Variants in STAU2 observed in about 807,000 individuals in gnomAD.
STAU2 encodes double-stranded RNA-binding protein Staufen homolog 2.
A neutral mutation model predicts 65.9 loss-of-function variants in STAU2; 20 were observed. That is an observed-to-expected ratio of 0.30 (90% CI 0.21 to 0.44). The LOEUF (loss-of-function observed/expected upper bound fraction) is 0.44. Ranked by LOEUF, STAU2 falls within the 20% of genes least tolerant of loss-of-function variation. The probability of loss-of-function intolerance (pLI) is 1.00; values close to 1 mark genes in which losing one functional copy is unlikely to be tolerated. For synonymous variants in STAU2, 232 were observed against 233.9 expected, an observed-to-expected ratio of 0.99 and a Z score of 0.07; for missense variants, 558 against 683.9, an observed-to-expected ratio of 0.82 and a Z score of 2.05.
At chr8:73,689,253 T>C (rs1272523430) in intron 4 of STAU2, among the ~76,000 whole-genome samples, 1 of 152,160 alleles carries the variant, frequency 6.6e-6, no homozygotes, top group African/African-American at 2.4e-5. Context: ...GTCAGGCAAT[T>C]CTATTAAATA....
chr8:73,728,159 TG>T (rs1805784795), intron 3 of STAU2: 1 of 152,206 alleles, frequency 6.6e-6, no homozygotes, highest in Non-Finnish European at 1.5e-5. Context: ...TTGTTTTGCA[TG>T]TGCATCTCCA....
Position 73,615,791 on chromosome 8 carries a change from CA to C in STAU2, c.571-10del. Reference sequence around the variant, plus strand: ...TTTCCTGATTCACCATTCTAAATCACAAAAAATAGGATAACACTGAATCTTG... The same window carrying C: ...TTTCCTGATTCACCATTCTAAATCACAAAAATAGGATAACACTGAATCTTG... On this transcript the variant is annotated splice_polypyrimidine_tract_variant and intron_variant, in intron 7 of 14. Coordinates refer to ENST00000524300, the MANE Select transcript of STAU2 (RefSeq NM_001164380.2). The C allele has an allele frequency of 1.3e-6, 2 of 1,580,852 alleles. No individual in the cohort carries two copies. Among genetic ancestry groups the C allele is most frequent in the Non-Finnish European group, 8.7e-7 (1 of 1,152,536 alleles).
At chr8:73,521,314 T>C (rs1377435451) in intron 13 of STAU2, among the ~76,000 whole-genome samples, 7 of 152,192 alleles carry the variant, frequency 4.6e-5, no homozygotes, top group Non-Finnish European at 1.5e-5. Flanking sequence ...AGCATACACA[T>C]TGGAAACAAT....
chr8:73,740,930 A>T (rs1465081222), intron 1 of STAU2, among the ~76,000 whole-genome samples: 2 of 149,796 alleles, frequency 1.3e-5, no homozygotes, highest in Non-Finnish European at 3.0e-5. Flanking sequence ...GCTTGAACCC[A>T]GGAGGCCAAG....
intron 6 of STAU2, among the ~76,000 whole-genome samples, chr8:73,617,791 G>A (rs1812938397): frequency 6.6e-6 from 1 of 152,218 alleles, no homozygotes; most frequent in South Asian, 2.1e-4. Flanking sequence ...AACAGAGGCT[G>A]GGTCAGGCAA....
rs140014504 is a variant in STAU2 at position 73,724,552 on chromosome 8, T to A, written c.-18+13732A>T. ...TAATGAGATATTTAACACTTTATTA[T>A]AAAATAGGGTGTATTTAGATGATTT... On this transcript the variant is annotated intron_variant, in intron 3 of 14. Coordinates refer to ENST00000524300, the MANE Select transcript of STAU2 (RefSeq NM_001164380.2). Among the ~76,000 whole-genome samples the A allele has an allele frequency of 2.0e-3, 301 of 152,106 alleles. 5 individuals carry two copies. In the East Asian group the frequency reaches 0.042, roughly 21 times the overall value.
chr8:73,725,865 C>T lies in STAU2; in HGVS notation c.-18+12419G>A, dbSNP rs117359102. Reference sequence around the variant, plus strand: ...GGAGGACTGCTTCAGCCTGGGAGGTCGAGGCTGCAGTGAGCCATCATCGTG... The same window carrying T: ...GGAGGACTGCTTCAGCCTGGGAGGTTGAGGCTGCAGTGAGCCATCATCGTG... On this transcript the variant is annotated intron_variant, in intron 3 of 14. Transcript: ENST00000524300. 9.2e-3 allele frequency among the ~76,000 whole-genome samples: 1,406 copies of T among 152,144 alleles called. 10 individuals carry two copies. The highest frequency in any genetic ancestry group is 0.015 in the Non-Finnish European group (1,043 of 68,002).
At position 73,720,656 on chromosome 8, in the gene STAU2, G is replaced by A. The variant is rs564707768; in HGVS notation, c.-17-11494C>T. Among the ~76,000 whole-genome samples, 9 of 117,506 alleles carry A rather than the reference G, an allele frequency of 7.7e-5. 1 individual carries two copies. The highest frequency in any genetic ancestry group is 6.6e-4 in the Admixed American group (8 of 12,046). 77.1% of individuals were successfully genotyped at this position (117,506 alleles called of 152,430 possible). A position where few individuals can be genotyped will look rare whatever the true frequency, so the allele number is the denominator to read the frequency against. On this transcript the variant is annotated intron_variant, in intron 3 of 14. Transcript: ENST00000524300. ...GCCTCCCGAGTAGCTGGGACTACAG[G>A]CGCCCGCCACCGCGCCCGGCTAATT... is the stretch of plus-strand genomic sequence containing the variant.
chr8:73,526,472 T>C (rs952079415), intron 13 of STAU2, among the ~76,000 whole-genome samples: 5 of 152,242 alleles, frequency 3.3e-5, no homozygotes, highest in African/African-American at 1.2e-4. Context: ...TGATAAATCA[T>C]GAGTTTGAGA....
chr8:73,546,148 G>GTTTTTT (rs1563412799), intron 13 of STAU2, among the ~76,000 whole-genome samples: 18 of 116,460 alleles, frequency 1.5e-4, no homozygotes, highest in Non-Finnish European at 2.1e-4. Context: ...TTTTTTTTTG[G>GTTTTTT]TAGAGACAGA....
Position 73,673,332 on chromosome 8 carries a change from T to C in STAU2, c.275-90A>G, listed in dbSNP as rs112393428. 2.2e-3 allele frequency: 2,815 copies of C among 1,266,520 alleles called. 3 individuals are homozygous for C. The highest frequency in any genetic ancestry group is 2.6e-3 in the Non-Finnish European group (2,578 of 976,036). The allele number at this position is 1,266,520 out of a possible 1,614,324, so 78.5% of individuals were successfully genotyped here. A position where few individuals can be genotyped will look rare whatever the true frequency, so the allele number is the denominator to read the frequency against. ...ATATTTATACAACGCTTAAATACCA[T>C]GGAAGAAGGTAAGAATGGATGGACC... On this transcript the variant is annotated intron_variant, in intron 5 of 14. Coordinates refer to ENST00000524300, the MANE Select transcript of STAU2 (RefSeq NM_001164380.2).
At chr8:73,679,056 C>CT (rs1818210986) in intron 5 of STAU2, among the ~76,000 whole-genome samples, 1 of 152,118 alleles carries the variant, frequency 6.6e-6, no homozygotes, top group African/African-American at 2.4e-5. Context: ...ACAAAAATAT[C>CT]TAAGGCGAAA....
intron 13 of STAU2, among the ~76,000 whole-genome samples, chr8:73,467,746 A>G (rs937584570): frequency 6.6e-6 from 1 of 152,162 alleles, no homozygotes; most frequent in African/African-American, 2.4e-5. Context: ...GGTATTAGAA[A>G]AAGGTGTACC....
At chr8:73,543,264 A>G (rs1279017419) in intron 13 of STAU2, among the ~76,000 whole-genome samples, 3 of 152,202 alleles carry the variant, frequency 2.0e-5, no homozygotes, top group African/African-American at 7.2e-5. Context: ...TCTGGAGGTG[A>G]GGAAAATCGG....
chr8:73,493,806 T>C (rs1188381941), intron 13 of STAU2, among the ~76,000 whole-genome samples: 1 of 151,854 alleles, frequency 6.6e-6, no homozygotes, highest in Non-Finnish European at 1.5e-5. Context: ...ACAGCAGCTG[T>C]ATTCATGATA....
chr8:73,688,762 T>C lies in STAU2; in HGVS notation c.166A>G (p.Ser56Gly). ...LGEQTWESEG[S>G]SIKKAQQAVA... Reference sequence around the variant, plus strand: ...GCCTGCTGAGCCTTCTTTATACTGCTGCCTTCGGATTCCCATGTCTGCTCA... The same window carrying C: ...GCCTGCTGAGCCTTCTTTATACTGCCGCCTTCGGATTCCCATGTCTGCTCA... Residue 56 changes from serine to glycine, a missense_variant, in exon 5 of 15, where the codon AGC becomes GGC. Coordinates refer to ENST00000524300, the MANE Select transcript of STAU2 (RefSeq NM_001164380.2). 1 of 1,614,214 alleles carries C rather than the reference T, an allele frequency of 6.2e-7. No homozygotes were observed. Among genetic ancestry groups the C allele is most frequent in the Non-Finnish European group, 8.5e-7 (1 of 1,180,040 alleles).
In STAU2 at chr8:73,552,035, A is replaced by C. The variant is rs754671337; in HGVS notation, c.1507T>G (p.Leu503Val). 1.1e-5 allele frequency: 18 copies of C among 1,575,486 alleles called. No homozygotes were observed. Among genetic ancestry groups the C allele is most frequent in the Non-Finnish European group, 1.4e-5 (16 of 1,162,768 alleles). ...PVQPSKQLEY[L>V]ARIQGFQAAL... is the part of the protein sequence containing the mutation. Reference sequence around the variant, plus strand: ...ACCTGAAAGCCTTGAATCCTTGCTAAATATTCCAGTTGTTTTGAAGGTTGT... The same window carrying C: ...ACCTGAAAGCCTTGAATCCTTGCTACATATTCCAGTTGTTTTGAAGGTTGT... The change falls in exon 13 of 15, where the codon TTA (leucine) becomes GTA (valine). Residue 503 changes from leucine (L) to valine (V), a missense_variant. Physicochemically the swap from Leu to Val is conservative, Grantham distance 32. Transcript: ENST00000524300.
rs367641858 is a variant in STAU2 at position 73,510,170 on chromosome 8, C to T, written c.1530+41842G>A. Among the ~76,000 whole-genome samples the T allele has an allele frequency of 6.5e-4, 99 of 152,118 alleles. 1 individual carries two copies. In the South Asian group the frequency reaches 0.019, roughly 29 times the overall value. ...GCAACCTCCACCTCCTGGGTTCAAG[C>T]GATTCTCTTGCCTCAGCCTCCCAAA... On this transcript the variant is annotated intron_variant, in intron 13 of 14. Coordinates refer to ENST00000524300, the MANE Select transcript of STAU2 (RefSeq NM_001164380.2).
intron 13 of STAU2, among the ~76,000 whole-genome samples, chr8:73,448,852 G>A (rs199975016): frequency 7.9e-5 from 12 of 152,388 alleles, no homozygotes; most frequent in Non-Finnish European, 1.8e-4. Flanking sequence ...AACGCAAGTG[G>A]ACAGCCGGTC....
Sources: gnomAD v4.1 joint callset for allele counts (sites outside exome capture counted in the v4.1 genomes callset) on GRCh38, gnomAD v4.1.1 for gene constraint, MANE v1.5 for transcripts, NCBI Gene and HGNC (gene_info 2026-07-23, HGNC 2026-07-21) for gene names.